Variants in RNF13 observed in about 807,000 individuals in gnomAD.
The protein encoded by RNF13 is ring finger protein 13.
In RNF13, 19 loss-of-function variants were observed where a neutral mutation model predicts 37.7. The observed-to-expected ratio is 0.50, with a 90% confidence interval of 0.35 to 0.74. RNF13 has a LOEUF of 0.74. Among genes scored for constraint, RNF13 ranks in the 30% least tolerant of loss-of-function variants. RNF13 has a pLI of 0.01. For missense variants in RNF13, 375 were observed against 453.0 expected (o/e 0.83, Z 1.56); for synonymous variants, 144 against 157.8 (o/e 0.91, Z 0.65).
At chr3:149,885,543 C>T (rs1713927478) in intron 4 of RNF13, among the ~76,000 whole-genome samples, 1 of 152,138 alleles carries the variant, frequency 6.6e-6, no homozygotes, top group Non-Finnish European at 1.5e-5. Flanking sequence ...TGAGAAATGT[C>T]TATTCAAATC....
intron 4 of RNF13, among the ~76,000 whole-genome samples, chr3:149,887,130 C>G (rs139206584): frequency 6.6e-6 from 1 of 152,146 alleles, no homozygotes; most frequent in Non-Finnish European, 1.5e-5. Context: ...GCCCGCTTCC[C>G]GGCAGCAACC....
chr3:149,945,353 A>T (rs2108589065), intron 8 of RNF13, among the ~76,000 whole-genome samples: 1 of 152,222 alleles, frequency 6.6e-6, no homozygotes, highest in Admixed American at 6.5e-5. Flanking sequence ...GCAAGGCGGC[A>T]GCAAGGCTGG....
At chr3:149,833,336 C>T (rs1197796271) in intron 1 of RNF13, among the ~76,000 whole-genome samples, 24 of 151,954 alleles carry the variant, frequency 1.6e-4, no homozygotes, top group African/African-American at 5.6e-4. Context: ...GCCAGGCAGG[C>T]CATTATCTCT....
intron 3 of RNF13, among the ~76,000 whole-genome samples, chr3:149,865,498 C>T (rs1316176033): frequency 1.3e-5 from 2 of 151,994 alleles, no homozygotes; most frequent in African/African-American, 4.8e-5. Flanking sequence ...GAGAGTCTCA[C>T]TCTGTTTCCC....
intron 1 of RNF13, among the ~76,000 whole-genome samples, chr3:149,830,955 G>A (rs1348232412): frequency 6.6e-6 from 1 of 152,256 alleles, no homozygotes; most frequent in Non-Finnish European, 1.5e-5. Context: ...CCTGGCTTCA[G>A]AGGGTGCAAA....
chr3:149,948,772 A>T (rs1339738878), intron 8 of RNF13, among the ~76,000 whole-genome samples: 3 of 152,236 alleles, frequency 2.0e-5, no homozygotes, highest in Non-Finnish European at 4.4e-5. Context: ...CATGGCTGTA[A>T]TCGCAGCACT....
At chr3:149,929,641 T>G (rs1718977810) in intron 8 of RNF13, among the ~76,000 whole-genome samples, 1 of 152,186 alleles carries the variant, frequency 6.6e-6, no homozygotes, top group Non-Finnish European at 1.5e-5. Context: ...TTTGCAGTAC[T>G]TCACCAGTGA....
intron 8 of RNF13, among the ~76,000 whole-genome samples, chr3:149,942,058 C>T (rs1215743173): frequency 1.3e-5 from 2 of 151,956 alleles, no homozygotes; most frequent in African/African-American, 2.4e-5. Flanking sequence ...AATTCTGTTC[C>T]ATTGGTGTAT....
chr3:149,910,058 A>G (rs1391669586), intron 6 of RNF13, among the ~76,000 whole-genome samples: 1 of 152,038 alleles, frequency 6.6e-6, no homozygotes, highest in Non-Finnish European at 1.5e-5. Context: ...CTAAACCCTG[A>G]TAGTGTTTAT....
chr3:149,942,332 C>T (rs1019386239), intron 8 of RNF13, among the ~76,000 whole-genome samples: 3 of 152,226 alleles, frequency 2.0e-5, no homozygotes, highest in Non-Finnish European at 4.4e-5. Context: ...ATCTATGAGC[C>T]TGGAATATCT....
chr3:149,853,510 T>A (rs575954063), intron 3 of RNF13, among the ~76,000 whole-genome samples: 35 of 141,372 alleles, frequency 2.5e-4, no homozygotes, highest in African/African-American at 8.4e-4. Flanking sequence ...GAATGGACTA[T>A]TAATGCTCTT....
chr3:149,901,363 C>T (rs1715820410), intron 5 of RNF13, among the ~76,000 whole-genome samples: 1 of 152,092 alleles, frequency 6.6e-6, no homozygotes, highest in Admixed American at 6.5e-5. Flanking sequence ...CTATTAGCAA[C>T]ATTAAGAGGA....
intron 4 of RNF13, among the ~76,000 whole-genome samples, chr3:149,877,083 A>G (rs993630995): frequency 6.6e-6 from 1 of 152,048 alleles, no homozygotes. Flanking sequence ...CCCGGCCCGT[A>G]TCTTTTATAT....
At chr3:149,827,073 T>A (rs1720577303) in intron 1 of RNF13, among the ~76,000 whole-genome samples, 1 of 152,220 alleles carries the variant, frequency 6.6e-6, no homozygotes, top group South Asian at 2.1e-4. Context: ...TATATATTTT[T>A]AAATATTAAC....
chr3:149,873,375 T>C (rs1003973919), intron 4 of RNF13, among the ~76,000 whole-genome samples: 1 of 152,164 alleles, frequency 6.6e-6, no homozygotes, highest in African/African-American at 2.4e-5. Context: ...TTATTGAATA[T>C]CTGTTTTTGA....
intron 3 of RNF13, among the ~76,000 whole-genome samples, chr3:149,856,832 C>T (rs1034145159): frequency 6.6e-6 from 1 of 152,126 alleles, no homozygotes; most frequent in African/African-American, 2.4e-5. Context: ...CTGCAAGCTC[C>T]GGCCTTCTGG....
At chr3:149,926,039 C>CT (rs1290922633) in intron 8 of RNF13, among the ~76,000 whole-genome samples, 1 of 152,144 alleles carries the variant, frequency 6.6e-6, no homozygotes, top group Non-Finnish European at 1.5e-5. Flanking sequence ...GCCCGTGTGT[C>CT]TGTTTCATAT....
chr3:149,824,461 C>T (rs1720282317), intron 1 of RNF13, among the ~76,000 whole-genome samples: 1 of 152,182 alleles, frequency 6.6e-6, no homozygotes, highest in Non-Finnish European at 1.5e-5. Flanking sequence ...ATTAATCTGC[C>T]ATTGCTGGCT....
At chr3:149,873,950 T>C (rs1712390406) in intron 4 of RNF13, among the ~76,000 whole-genome samples, 1 of 152,236 alleles carries the variant, frequency 6.6e-6, no homozygotes, top group African/African-American at 2.4e-5. Flanking sequence ...TAAAGACTTA[T>C]TAAATGAAGC....
Sources: allele counts gnomAD v4.1 joint callset (sites outside exome capture counted in the v4.1 genomes callset), GRCh38; gene constraint gnomAD v4.1.1; transcripts MANE v1.5; gene names NCBI Gene and HGNC (gene_info 2026-07-23, HGNC 2026-07-21).